The following HOOK2 variants were observed in gnomAD, a reference collection of about 807,000 sequenced individuals.
HOOK2 encodes the protein hook microtubule tethering protein 2, also known as protein Hook homolog 2.
Under a neutral mutation model 111.9 loss-of-function variants are expected in HOOK2, and 108 were observed. The observed-to-expected ratio is 0.96, with a 90% CI of 0.83 to 1.13. HOOK2 has a LOEUF of 1.13. Among genes scored for constraint, HOOK2 ranks in the 50% most tolerant of loss-of-function variants. The probability of loss-of-function intolerance (pLI) is 0.00; values close to 1 mark genes in which losing one functional copy is unlikely to be tolerated. For missense variants in HOOK2, 978 were observed against 951.3 expected, an observed-to-expected ratio of 1.03 and a Z score of -0.37; for synonymous variants, 405 against 394.3, an observed-to-expected ratio of 1.03 and a Z score of -0.32.
rs756082776 is a variant in HOOK2, at chr19:12,774,837, C to T, written c.106G>A (p.Ala36Thr). The T allele has an allele frequency of 5.6e-6, 9 of 1,614,032 alleles. No individual in the cohort carries two copies. Among genetic ancestry groups the T allele is most frequent in the Non-Finnish European group, 7.6e-6 (9 of 1,180,026 alleles). The change falls in exon 2 of 23, where the codon GCC becomes ACC. Residue 36 changes from alanine (A) to threonine (T), a missense_variant. Physicochemically the swap from Ala to Thr is moderately conservative, Grantham distance 58. This residue lies in a region of HOOK2 where 301 missense variants were observed against 286.1 expected (regional missense o/e 1.05). Coordinates refer to ENST00000397668, the MANE Select transcript of HOOK2 (RefSeq NM_013312.3). ...ASPQDLSSGL[A>T]VAYVLNQIDP... ...ATCTGGTTCAGCACATAGGCTACGGCAAGGCCGCTGCTCAGGTCCTGAGGG... is the reference window on the plus strand; with the variant it reads ...ATCTGGTTCAGCACATAGGCTACGGTAAGGCCGCTGCTCAGGTCCTGAGGG...
Position 12,791,402 on chromosome 19 carries a change from C to CTGCCGTCGGGACCGGGAGCTCGTA in HOOK2, n.42-17178_42-17177insTACGAGCTCCCGGTCCCGACGGCA. 5.8e-6 allele frequency: 1 copy of CTGCCGTCGGGACCGGGAGCTCGTA among 172,494 alleles called. No homozygotes were observed. The highest frequency in any genetic ancestry group is 1.2e-5 in the Non-Finnish European group (1 of 81,646). The allele number at this position is 172,494 out of a possible 1,614,324, so 10.7% of individuals were successfully genotyped here. On this transcript the variant is annotated intron_variant and non_coding_transcript_variant, in intron 3 of 3. Coordinates refer to the HOOK2 transcript ENST00000589765. This position sits in a 1 kb window ranked among gnomAD's most constrained non-coding sequence, Gnocchi z 7.0. ...ACGCTCGAGGAGGGGGGCGCGGGGG[C>CTGCCGTCGGGACCGGGAGCTCGTA]CCGGCTCCGGCGACGGCCAATCGGA...
chr19:12,783,314 CA>C (rs1968625834), upstream of HOOK2, among the ~76,000 whole-genome samples: 10 of 150,866 alleles, frequency 6.6e-5, no homozygotes, highest in Admixed American at 6.6e-4. Context: ...GCGCCCCCCC[CA>C]ACTCCGCCTC....
rs879333479 is a variant in HOOK2, at chr19:12,791,257, T to A, written n.42-17032A>T. Reference sequence around the variant, plus strand: ...GCCCCCCAGCACCTCCTTCCATGCGTACCCCGAGGTCCTTTGAGCCCCTCC... The same window carrying A: ...GCCCCCCAGCACCTCCTTCCATGCGAACCCCGAGGTCCTTTGAGCCCCTCC... On this transcript the variant is annotated intron_variant and non_coding_transcript_variant, in intron 3 of 3. Coordinates refer to the HOOK2 transcript ENST00000589765. This position sits in a 1 kb window ranked among gnomAD's most constrained non-coding sequence, Gnocchi z 7.0. Among the ~76,000 whole-genome samples, 6 of 152,098 alleles carry A rather than the reference T, an allele frequency of 3.9e-5. No homozygotes were observed. Among genetic ancestry groups the A allele is most frequent in the Admixed American group, 6.5e-5 (1 of 15,268 alleles).
At chr19:12,788,427 G>A (rs1280285397) in intron 3 of HOOK2, among the ~76,000 whole-genome samples, 2 of 152,148 alleles carry the variant, frequency 1.3e-5, no homozygotes, top group African/African-American at 4.8e-5. Flanking sequence ...TTATTTCTCA[G>A]CCTATCTATC....
intron 3 of HOOK2, among the ~76,000 whole-genome samples, chr19:12,785,322 G>A (rs1263756173): frequency 1.4e-5 from 2 of 147,396 alleles, no homozygotes; most frequent in South Asian, 2.2e-4. Context: ...ACACCAGATC[G>A]TATACACACA....
At position 12,768,123 on chromosome 19, in the gene HOOK2, C is replaced by T. The variant is rs370714892; in HGVS notation, c.1105G>A (p.Val369Met). The change falls in exon 12 of 23, where the codon GTG becomes ATG. Residue 369 changes from valine (V) to methionine (M), a missense_variant and splice_region_variant. Physicochemically the swap from Val to Met is conservative, Grantham distance 21 (BLOSUM62 1). Coordinates refer to ENST00000397668, the MANE Select transcript of HOOK2 (RefSeq NM_013312.3). ...RAQLEAQRRQ[V>M]QELQGQRQEE... ...TGCCGCTGGCCCTGCAGTTCCTGCA[C>T]CTGAACACAGAGAGGGGAGGAATAA... 10 of 1,613,412 alleles carry T rather than the reference C, an allele frequency of 6.2e-6. No homozygotes were observed. In the Admixed American group the frequency reaches 8.3e-5, roughly 13 times the overall value.
chr19:12,765,027 C>A lies in HOOK2; in HGVS notation c.1695G>T (p.Glu565Asp), dbSNP rs759651621. 1 of 1,614,064 alleles carries A rather than the reference C, an allele frequency of 6.2e-7. No individual in the cohort carries two copies. The highest frequency in any genetic ancestry group is 8.5e-7 in the Non-Finnish European group (1 of 1,180,030). ...LELQRKREYI[E>D]ELEPPTDSST... ...TGCTGTCAGTGGGTGGCTCCAGCTC[C>A]TCAATGTACTCCCGCTTCCTCTGCA... is the stretch of plus-strand genomic sequence containing the variant. Residue 565 changes from glutamate (E) to aspartate (D), a missense_variant, in exon 19 of 23, where the codon GAG (glutamate) becomes GAT (aspartate). Transcript: ENST00000397668.
At chr19:12,779,744 C>T (rs1320163842), upstream of HOOK2, among the ~76,000 whole-genome samples, 1 of 149,990 alleles carries the variant, frequency 6.7e-6, no homozygotes, top group Non-Finnish European at 1.5e-5. Context: ...GTCATAAGGC[C>T]TTCGAGTTTG....
At chr19:12,774,962 T>G in intron 1 of HOOK2, 65 bp from the exon 2 acceptor site, 1 of 1,469,214 alleles carries the variant, frequency 6.8e-7, no homozygotes, top group Non-Finnish European at 9.3e-7. Context: ...GCTCCCCTTT[T>G]GCAGACTTTT....
chr19:12,768,093 C>T lies in HOOK2; in HGVS notation c.1135G>A (p.Glu379Lys). 6.2e-7 allele frequency: 1 copy of T among 1,614,192 alleles called. No homozygotes were observed. The highest frequency in any genetic ancestry group is 8.5e-7 in the Non-Finnish European group (1 of 1,180,010). ...AGCCATTTCTCGGCCTTCATGGCCTCCTCCTGCCGCTGGCCCTGCAGTTCC... is the reference window on the plus strand; with the variant it reads ...AGCCATTTCTCGGCCTTCATGGCCTTCTCCTGCCGCTGGCCCTGCAGTTCC... ...VQELQGQRQE[E>K]AMKAEKWLFE... Residue 379 changes from glutamate (E) to lysine (K), a missense_variant, in exon 12 of 23, where the codon GAG becomes AAG. Physicochemically the swap from Glu to Lys is moderately conservative, Grantham distance 56 (BLOSUM62 1). Coordinates refer to ENST00000397668, the MANE Select transcript of HOOK2 (RefSeq NM_013312.3).
At chr19:12,773,157 G>T in intron 3 of HOOK2, 113 bp from the exon 4 acceptor site, 2 of 1,018,220 alleles carry the variant, frequency 2.0e-6, no homozygotes, top group Non-Finnish European at 1.5e-6. Flanking sequence ...ATCCTATTCT[G>T]TCTGCGTGCG....
upstream of HOOK2, chr19:12,775,714 C>G: frequency 8.5e-6 from 3 of 352,596 alleles, no homozygotes; most frequent in Non-Finnish European, 1.5e-5. Flanking sequence ...CGCTAGGGGT[C>G]AGCCTGGCCC....
rs567858009 is a variant in HOOK2 at position 12,767,875 on chromosome 19, C to A, written c.1244G>T (p.Arg415Leu). The A allele has an allele frequency of 6.2e-7, 1 of 1,608,716 alleles. No individual in the cohort carries two copies. Among genetic ancestry groups the A allele is most frequent in the Non-Finnish European group, 8.5e-7 (1 of 1,179,816 alleles). ...ERLLAERDSLREANEELRCAQ... is the reference protein window; with the variant it reads ...ERLLAERDSLLEANEELRCAQ... Reference sequence around the variant, plus strand: ...GCAGCGCAGCTCCTCATTGGCCTCCCGCAAGGAGTCCCGCTCCGCCAACAG... The same window carrying A: ...GCAGCGCAGCTCCTCATTGGCCTCCAGCAAGGAGTCCCGCTCCGCCAACAG... Residue 415 changes from arginine to leucine, a missense_variant, in exon 13 of 23, where the codon CGG becomes CTG. Arg to Leu is a moderately radical substitution (Grantham distance 102). Around this residue, in one of 5 missense-constraint regions of HOOK2, gnomAD observed 388 missense variants for 358.3 expected, o/e 1.08. Coordinates refer to ENST00000397668, the MANE Select transcript of HOOK2 (RefSeq NM_013312.3).
In HOOK2 at chr19:12,791,822, T is replaced by C. The variant is rs1293159988; in HGVS notation, n.42-17597A>G. ...TCTACCACGACGACTCATACACAGC[T>C]ACGGGATACGGCCGGGCCCCTGGTG... On this transcript the variant is annotated intron_variant and non_coding_transcript_variant, in intron 3 of 3. Coordinates refer to the HOOK2 transcript ENST00000589765. The surrounding 1 kb of genome is among the most constrained non-coding windows in gnomAD (Gnocchi z 7.0). 2.5e-6 allele frequency: 4 copies of C among 1,613,504 alleles called. No individual in the cohort carries two copies. Among genetic ancestry groups the C allele is most frequent in the South Asian group, 2.2e-5 (2 of 91,056 alleles).
At chr19:12,779,871 C>G (rs573900792), upstream of HOOK2, among the ~76,000 whole-genome samples, 22 of 152,008 alleles carry the variant, frequency 1.4e-4, no homozygotes, top group African/African-American at 5.1e-4. Flanking sequence ...AGGTTGGGGC[C>G]GGGCTTGGTG....
chr19:12,789,745 G>A (rs975413586), intron 3 of HOOK2, among the ~76,000 whole-genome samples: 1 of 151,418 alleles, frequency 6.6e-6, no homozygotes, highest in African/African-American at 2.4e-5. Context: ...GGGCCAGGCC[G>A]GGCCTGGCAG....
rs1441003661 is a variant in HOOK2, at chr19:12,764,855, T to C, written c.1786A>G (p.Met596Val). The change falls in exon 20 of 23, where the codon ATG becomes GTG. Residue 596 changes from methionine (M) to valine (V), a missense_variant. Met to Val is a conservative substitution (Grantham distance 21). This residue lies in a region of HOOK2 where 277 missense variants were observed against 265.8 expected (regional missense o/e 1.04). Transcript: ENST00000397668. ...LQKKDADLRA[M>V]EERYRRYVDK... The stretch of plus-strand genomic sequence containing the variant: ...ACGTAGCGGCGGTATCGCTCCTCCA[T>C]GGCCCGCAAGTCCGCGTCCTTCTTC... 6.2e-7 allele frequency: 1 copy of C among 1,614,062 alleles called. No homozygotes were observed. Among genetic ancestry groups the C allele is most frequent in the Non-Finnish European group, 8.5e-7 (1 of 1,180,042 alleles).
upstream of HOOK2, among the ~76,000 whole-genome samples, chr19:12,781,956 C>T (rs979056038): frequency 6.6e-6 from 1 of 151,960 alleles, no homozygotes; most frequent in Non-Finnish European, 1.5e-5. Context: ...CCTCTCGCCT[C>T]AACCCCCACA....
intron 6 of HOOK2, 131 bp from the exon 7 acceptor site, chr19:12,772,383 G>A (rs1406731383): frequency 2.6e-6 from 3 of 1,133,678 alleles, no homozygotes; most frequent in Non-Finnish European, 2.6e-6. Context: ...CCAGCCCAGA[G>A]GCTGCCCTCC....
Sources: gnomAD v4.1 joint callset for allele counts (sites outside exome capture counted in the v4.1 genomes callset) on GRCh38, gnomAD v4.1.1 for gene constraint, gnomAD v4.1.1 regional missense constraint, Gnocchi (gnomAD v3.1) non-coding constraint, MANE v1.5 for transcripts, NCBI Gene and HGNC (gene_info 2026-07-23, HGNC 2026-07-21) for gene names.